Variants in CCR3 observed in about 807,000 individuals in gnomAD.
The protein encoded by CCR3 is C-C motif chemokine receptor 3, also known as C-C chemokine receptor type 3.
For missense variants in CCR3, 419 were observed against 437.5 expected, an observed-to-expected ratio of 0.96 and a Z score of 0.38; for synonymous variants, 203 against 179.2, an observed-to-expected ratio of 1.13 and a Z score of -1.06.
intron 1 of CCR3, among the ~76,000 whole-genome samples, chr3:46,248,585 G>A (rs1374210281): frequency 2.0e-5 from 3 of 152,268 alleles, no homozygotes; most frequent in South Asian, 2.1e-4. Context: ...GGGAGAGCAC[G>A]TGTGTTTTTA....
At chr3:46,248,794 G>A (rs1700250000) in intron 1 of CCR3, among the ~76,000 whole-genome samples, 2 of 152,296 alleles carry the variant, frequency 1.3e-5, no homozygotes, top group South Asian at 2.1e-4. Context: ...GCATGTTTGA[G>A]ATCCAGAACA....
chr3:46,244,556 G>A (rs936188234), intron 1 of CCR3, among the ~76,000 whole-genome samples: 1 of 152,156 alleles, frequency 6.6e-6, no homozygotes, highest in Non-Finnish European at 1.5e-5. Context: ...GTTCTCTGGC[G>A]GGCAGGAGTG....
intron 1 of CCR3, among the ~76,000 whole-genome samples, chr3:46,253,442 C>T (rs1478881787): frequency 6.6e-6 from 1 of 152,154 alleles, no homozygotes; most frequent in Non-Finnish European, 1.5e-5. Context: ...GATGGATACG[C>T]TTGGCTTCTT....
At chr3:46,226,985 C>T (rs926732078) in intron 2 of CCR3, among the ~76,000 whole-genome samples, 2 of 152,024 alleles carry the variant, frequency 1.3e-5, no homozygotes, top group Non-Finnish European at 2.9e-5. Flanking sequence ...GATTCTCATG[C>T]CTCAGCCTCC....
intron 2 of CCR3, among the ~76,000 whole-genome samples, chr3:46,232,511 C>T (rs1447055918): frequency 6.6e-6 from 1 of 152,204 alleles, no homozygotes; most frequent in South Asian, 2.1e-4. Flanking sequence ...CAGTGCATCT[C>T]TAGGGATTGG....
At chr3:46,237,054 TC>T (rs1294522893) in intron 2 of CCR3, among the ~76,000 whole-genome samples, 2 of 152,236 alleles carry the variant, frequency 1.3e-5, no homozygotes, top group African/African-American at 4.8e-5. Flanking sequence ...ATGATTTCAT[TC>T]ATTTATGGCT....
At chr3:46,229,974 G>A (rs1445737114) in intron 2 of CCR3, among the ~76,000 whole-genome samples, 1 of 152,154 alleles carries the variant, frequency 6.6e-6, no homozygotes. Context: ...CTGGACTCAG[G>A]AGCATTAGGT....
At chr3:46,264,445 A>G (rs1188601816) in intron 1 of CCR3, 2 of 1,525,428 alleles carry the variant, frequency 1.3e-6, no homozygotes, top group Non-Finnish European at 1.8e-6. Context: ...CACACAAGCC[A>G]GGTTCCTCAA....
chr3:46,232,596 G>A (rs1004685271), intron 2 of CCR3, among the ~76,000 whole-genome samples: 1 of 152,172 alleles, frequency 6.6e-6, no homozygotes, highest in Admixed American at 6.5e-5. Flanking sequence ...AGGGGTCTTA[G>A]GCTTTCTGGA....
At chr3:46,215,285 G>A (rs879279515) in intron 2 of CCR3, among the ~76,000 whole-genome samples, 44 of 152,162 alleles carry the variant, frequency 2.9e-4, no homozygotes, top group Admixed American at 7.9e-4. Flanking sequence ...TAAAAGTTGA[G>A]TTAGGTAGGG....
chr3:46,232,166 A>G (rs1218118729), intron 2 of CCR3, among the ~76,000 whole-genome samples: 1 of 152,238 alleles, frequency 6.6e-6, no homozygotes, highest in Non-Finnish European at 1.5e-5. Context: ...AAAAATGAAA[A>G]TGAGCAAAAT....
At chr3:46,212,920 G>T (rs984454525) in intron 2 of CCR3, among the ~76,000 whole-genome samples, 1 of 152,166 alleles carries the variant, frequency 6.6e-6, no homozygotes, top group African/African-American at 2.4e-5. Flanking sequence ...TCTTAGGGGG[G>T]TAGGGGGAGA....
chr3:46,260,171 G>A (rs185844774), intron 1 of CCR3, among the ~76,000 whole-genome samples: 1 of 152,322 alleles, frequency 6.6e-6, no homozygotes, highest in East Asian at 1.9e-4. Context: ...CTCCCACCGT[G>A]TGTCTCCCAC....
intron 1 of CCR3, among the ~76,000 whole-genome samples, chr3:46,260,804 C>A (rs1372600728): frequency 6.6e-6 from 1 of 152,146 alleles, no homozygotes; most frequent in Non-Finnish European, 1.5e-5. Context: ...ACTTAAAAGG[C>A]AGAGAAAACA....
At chr3:46,246,960 A>G (rs1434266542) in intron 1 of CCR3, among the ~76,000 whole-genome samples, 1 of 152,018 alleles carries the variant, frequency 6.6e-6, no homozygotes. Flanking sequence ...GTCGTATAGA[A>G]TGATTGGTGA....
intron 1 of CCR3, chr3:46,264,423 T>C: frequency 6.5e-7 from 1 of 1,532,632 alleles, no homozygotes; most frequent in Non-Finnish European, 8.7e-7. Flanking sequence ...GGAATAAGAA[T>C]GCTGTTAAGA....
intron 2 of CCR3, among the ~76,000 whole-genome samples, chr3:46,236,882 A>T (rs2125925988): frequency 6.6e-6 from 1 of 152,312 alleles, no homozygotes; most frequent in South Asian, 2.1e-4. Flanking sequence ...GGGATCCTGG[A>T]AAGTTGTCCC....
chr3:46,238,409 T>C (rs146847884), upstream of CCR3, among the ~76,000 whole-genome samples: 24 of 152,312 alleles, frequency 1.6e-4, no homozygotes, highest in East Asian at 4.6e-3. Context: ...ATCTTTTTTA[T>C]TGGGCTGGTT....
intron 1 of CCR3, among the ~76,000 whole-genome samples, chr3:46,254,949 C>T (rs935790955): frequency 1.3e-5 from 2 of 152,096 alleles, no homozygotes; most frequent in African/African-American, 2.4e-5. Context: ...AATGATAGAT[C>T]GACTTTTAAT....
Sources: gnomAD v4.1 joint callset for allele counts (sites outside exome capture counted in the v4.1 genomes callset) on GRCh38, gnomAD v4.1.1 for gene constraint, MANE v1.5 for transcripts, NCBI Gene and HGNC (gene_info 2026-07-23, HGNC 2026-07-21) for gene names.